WWOX: variants seen among roughly 807,000 people sequenced by gnomAD.
The protein encoded by WWOX is WW domain-containing oxidoreductase.
Under a neutral mutation model 46.2 loss-of-function variants are expected in WWOX, and 69 were observed. That is an observed-to-expected ratio of 1.49 (90% confidence interval 1.23 to 1.82). The LOEUF (loss-of-function observed/expected upper bound fraction) is 1.82. WWOX is among the 40% of genes most tolerant of loss of function. The pLI, the probability that WWOX is intolerant of heterozygous loss-of-function variation, is 0.00. For synonymous variants in WWOX, 359 were observed against 202.6 expected, an observed-to-expected ratio of 1.77 and a Z score of -6.56; for missense variants, 919 against 542.6, an observed-to-expected ratio of 1.69 and a Z score of -6.89.
At chr16:78,178,332 T>C (rs899308508) in intron 5 of WWOX, among the ~76,000 whole-genome samples, 3 of 152,198 alleles carry the variant, frequency 2.0e-5, no homozygotes, top group African/African-American at 7.2e-5. Context: ...AGCCAGCCTC[T>C]AGCCCAAAAT....
intron 8 of WWOX, among the ~76,000 whole-genome samples, chr16:78,443,949 C>T (rs1329759713): frequency 3.9e-5 from 6 of 152,128 alleles, no homozygotes. Context: ...GTTTGTATTG[C>T]CCCATGACGA....
At chr16:78,738,433 T>G (rs549539681) in intron 8 of WWOX, among the ~76,000 whole-genome samples, 1 of 152,300 alleles carries the variant, frequency 6.6e-6, no homozygotes, top group African/African-American at 2.4e-5. Context: ...AAAATCTGGA[T>G]TCAGGTGGCC....
chr16:78,598,255 C>T (rs1298696190), intron 8 of WWOX, among the ~76,000 whole-genome samples: 3 of 152,070 alleles, frequency 2.0e-5, no homozygotes, highest in Admixed American at 6.6e-5. Context: ...TTTTCTAGAA[C>T]CAGTTAAAAC....
chr16:78,902,938 C>T (rs2044866335), intron 8 of WWOX, among the ~76,000 whole-genome samples: 2 of 152,194 alleles, frequency 1.3e-5, no homozygotes, highest in South Asian at 4.1e-4. Flanking sequence ...GGAGTCGCGG[C>T]TGAGTCGAGG....
chr16:78,389,163 C>T (rs1273557399), intron 6 of WWOX, among the ~76,000 whole-genome samples: 3 of 152,200 alleles, frequency 2.0e-5, no homozygotes, highest in Non-Finnish European at 2.9e-5. Flanking sequence ...TGTGTGTGTC[C>T]TTTGCAGCGC....
chr16:78,820,578 G>A (rs1314277536), intron 8 of WWOX, among the ~76,000 whole-genome samples: 1 of 152,062 alleles, frequency 6.6e-6, no homozygotes, highest in African/African-American at 2.4e-5. Context: ...GATTAGTGTG[G>A]CCCTTCCTTG....
At chr16:78,247,734 C>T (rs978786117) in intron 5 of WWOX, among the ~76,000 whole-genome samples, 1 of 152,172 alleles carries the variant, frequency 6.6e-6, no homozygotes, top group Admixed American at 6.5e-5. Flanking sequence ...CTCTTCTGGT[C>T]CACACTGTGC....
At chr16:78,239,655 C>G (rs2037566540) in intron 5 of WWOX, among the ~76,000 whole-genome samples, 1 of 152,194 alleles carries the variant, frequency 6.6e-6, no homozygotes, top group Non-Finnish European at 1.5e-5. Flanking sequence ...CTGTCTCAGT[C>G]TCCTGAGTAG....
intron 8 of WWOX, among the ~76,000 whole-genome samples, chr16:78,667,616 A>T (rs1172154479): frequency 1.4e-5 from 2 of 145,322 alleles, no homozygotes; most frequent in Admixed American, 7.1e-5. Context: ...GGTAGCAGTG[A>T]GCCAAGATCG....
intron 8 of WWOX, among the ~76,000 whole-genome samples, chr16:78,998,106 C>T (rs188207883): frequency 6.6e-6 from 1 of 152,086 alleles, no homozygotes; most frequent in Non-Finnish European, 1.5e-5. Context: ...GAACTCCTGA[C>T]CTCAGGTGAT....
At chr16:79,187,951 A>G (rs2051052608) in intron 8 of WWOX, among the ~76,000 whole-genome samples, 1 of 152,182 alleles carries the variant, frequency 6.6e-6, no homozygotes, top group Admixed American at 6.5e-5. Context: ...ACGATTGATA[A>G]TGTTCCCTCT....
rs142741026 is a variant in WWOX, at chr16:78,426,688, G to A, written c.791+1633G>A. On this transcript the variant is annotated intron_variant, in intron 7 of 8. Coordinates refer to ENST00000566780, the MANE Select transcript of WWOX (RefSeq NM_016373.4). Reference sequence around the variant, plus strand: ...TATTACTGTTATTATTATTTGACATGGAGTCTTGATCTGTTACCAGGCTGC... The same window carrying A: ...TATTACTGTTATTATTATTTGACATAGAGTCTTGATCTGTTACCAGGCTGC... 9.5e-4 allele frequency among the ~76,000 whole-genome samples: 145 copies of A among 152,084 alleles called. 1 individual carries two copies. Among genetic ancestry groups the A allele is most frequent in the African/African-American group, 3.3e-3 (138 of 41,492 alleles).
intron 5 of WWOX, among the ~76,000 whole-genome samples, chr16:78,367,120 C>T (rs543913072): frequency 6.6e-6 from 1 of 152,022 alleles, no homozygotes; most frequent in Non-Finnish European, 1.5e-5. Flanking sequence ...GCTGGTACTA[C>T]AGGTGCCTGC....
At chr16:78,944,837 G>T (rs1179001963) in intron 8 of WWOX, among the ~76,000 whole-genome samples, 1 of 152,054 alleles carries the variant, frequency 6.6e-6, no homozygotes, top group East Asian at 1.9e-4. Context: ...CTGCTTCCCT[G>T]GTAATTCACC....
chr16:78,106,960 C>T (rs2032187341), intron 1 of WWOX, among the ~76,000 whole-genome samples: 1 of 152,224 alleles, frequency 6.6e-6, no homozygotes, highest in Admixed American at 6.5e-5. Flanking sequence ...CATTCCTGCA[C>T]TATGACAGAG....
chr16:78,974,117 G>A (rs911731084), intron 8 of WWOX, among the ~76,000 whole-genome samples: 5 of 152,132 alleles, frequency 3.3e-5, no homozygotes, highest in South Asian at 2.1e-4. Context: ...TCATTTCTGC[G>A]CTTGAAAGTG....
At chr16:78,131,202 A>C (rs1482540379) in intron 4 of WWOX, among the ~76,000 whole-genome samples, 1 of 152,154 alleles carries the variant, frequency 6.6e-6, no homozygotes, top group Non-Finnish European at 1.5e-5. Context: ...TTGTGCTTCT[A>C]GAGAACATTT....
chr16:79,132,160 A>ACC (rs1260138993), intron 8 of WWOX, among the ~76,000 whole-genome samples: 3 of 139,662 alleles, frequency 2.1e-5, no homozygotes. Flanking sequence ...ACACACACAC[A>ACC]CACACACCCC....
intron 8 of WWOX, among the ~76,000 whole-genome samples, chr16:78,879,336 C>G (rs1255438170): frequency 6.6e-6 from 1 of 152,150 alleles, no homozygotes. Context: ...CTGATGTTGA[C>G]AACATGATGT....
Sources: allele counts gnomAD v4.1 joint callset (sites outside exome capture counted in the v4.1 genomes callset), GRCh38; gene constraint gnomAD v4.1.1; transcripts MANE v1.5; gene names NCBI Gene and HGNC (gene_info 2026-07-23, HGNC 2026-07-21).